HS3ST4: variants seen among roughly 807,000 people sequenced by gnomAD.
HS3ST4 encodes the protein heparan sulfate glucosamine 3-O-sulfotransferase 4.
Under a neutral mutation model 29.2 loss-of-function variants are expected in HS3ST4, and 17 were observed. The ratio of observed to expected loss-of-function variants is 0.58; its 90% confidence interval spans 0.40 to 0.87. HS3ST4 has a LOEUF of 0.87. HS3ST4 is among the 40% of genes least tolerant of loss of function. HS3ST4 has a pLI of 0.00. For missense variants in HS3ST4, 627 were observed against 634.5 expected (o/e 0.99, Z 0.13); for synonymous variants, 314 against 285.7 (o/e 1.10, Z -1.00).
chr16:25,924,706 TC>T (rs1968385910), intron 1 of HS3ST4, among the ~76,000 whole-genome samples: 1 of 152,176 alleles, frequency 6.6e-6, no homozygotes, highest in South Asian at 2.1e-4. Flanking sequence ...TTACAACTTT[TC>T]CCTCTATTAT....
intron 1 of HS3ST4, chr16:25,825,385 C>G (rs1337112716): frequency 2.0e-5 from 3 of 152,168 alleles, no homozygotes; most frequent in African/African-American, 7.2e-5. Context: ...CTGGGGTTCC[C>G]CTAGTTGCAT....
intron 1 of HS3ST4, among the ~76,000 whole-genome samples, chr16:25,950,270 A>G (rs1206050281): frequency 6.6e-6 from 1 of 151,972 alleles, no homozygotes; most frequent in Non-Finnish European, 1.5e-5. Flanking sequence ...CTTCTTTTCC[A>G]TAGCTTACTC....
intron 1 of HS3ST4, among the ~76,000 whole-genome samples, chr16:26,031,176 G>T (rs1370271611): frequency 6.6e-6 from 1 of 152,172 alleles, no homozygotes; most frequent in Non-Finnish European, 1.5e-5. Context: ...ACCTGCCTTG[G>T]GCATGTTGCT....
At chr16:25,815,247 TGAA>T (rs1308826578) in intron 1 of HS3ST4, among the ~76,000 whole-genome samples, 1 of 152,192 alleles carries the variant, frequency 6.6e-6, no homozygotes, top group African/African-American at 2.4e-5. Context: ...TCCCCATCAT[TGAA>T]GTGTGAATTT....
intron 1 of HS3ST4, among the ~76,000 whole-genome samples, chr16:25,997,302 G>A (rs987668304): frequency 5.9e-5 from 9 of 152,170 alleles, no homozygotes; most frequent in African/African-American, 2.2e-4. Flanking sequence ...TTTAAAGAGA[G>A]CTGTCAGGAT....
chr16:25,880,883 T>C (rs918053538), intron 1 of HS3ST4, among the ~76,000 whole-genome samples: 11 of 152,208 alleles, frequency 7.2e-5, no homozygotes, highest in Admixed American at 1.3e-4. Context: ...TTATAGACTT[T>C]GGGGTAGTTC....
intron 1 of HS3ST4, among the ~76,000 whole-genome samples, chr16:26,005,804 C>T (rs938628850): frequency 6.6e-6 from 1 of 151,426 alleles, no homozygotes; most frequent in African/African-American, 2.4e-5. Context: ...GATTTCTCAA[C>T]TCTGGCACTA....
chr16:25,783,099 A>G (rs1373021954), intron 1 of HS3ST4, among the ~76,000 whole-genome samples: 1 of 152,194 alleles, frequency 6.6e-6, no homozygotes, highest in African/African-American at 2.4e-5. Flanking sequence ...GCTCCAATTT[A>G]TCACATCAGA....
At chr16:25,936,543 G>T (rs1968518532) in intron 1 of HS3ST4, among the ~76,000 whole-genome samples, 1 of 152,186 alleles carries the variant, frequency 6.6e-6, no homozygotes, top group Admixed American at 6.5e-5. Context: ...GATCTAAGAA[G>T]TGTTGTTTGA....
At chr16:25,867,276 A>G (rs1967705126) in intron 1 of HS3ST4, among the ~76,000 whole-genome samples, 1 of 152,184 alleles carries the variant, frequency 6.6e-6, no homozygotes, top group Admixed American at 6.5e-5. Flanking sequence ...AGAAAGGATG[A>G]TCTCTGGAGA....
At chr16:25,757,094 C>A (rs1317678154) in intron 1 of HS3ST4, among the ~76,000 whole-genome samples, 1 of 152,106 alleles carries the variant, frequency 6.6e-6, no homozygotes, top group Non-Finnish European at 1.5e-5. Flanking sequence ...TAAGGCTGAG[C>A]AGGTTGTGCA....
intron 1 of HS3ST4, among the ~76,000 whole-genome samples, chr16:25,793,308 AT>A (rs751746722): frequency 1.2e-4 from 19 of 152,050 alleles, no homozygotes; most frequent in Non-Finnish European, 2.2e-4. Flanking sequence ...CGTTAATCTT[AT>A]TGATTAACAT....
intron 1 of HS3ST4, among the ~76,000 whole-genome samples, chr16:25,889,101 T>C (rs1967982199): frequency 1.3e-5 from 2 of 152,200 alleles, no homozygotes; most frequent in African/African-American, 4.8e-5. Flanking sequence ...TTTCCATCCT[T>C]GTCAGATCCC....
At chr16:25,983,960 T>G (rs542240570) in intron 1 of HS3ST4, among the ~76,000 whole-genome samples, 45 of 152,276 alleles carry the variant, frequency 3.0e-4, no homozygotes, top group Admixed American at 3.9e-4. Flanking sequence ...TTAAATTGAC[T>G]AATGATAATT....
At chr16:25,750,582 A>G (rs1342763840) in intron 1 of HS3ST4, among the ~76,000 whole-genome samples, 2 of 152,206 alleles carry the variant, frequency 1.3e-5, no homozygotes, top group African/African-American at 4.8e-5. Context: ...AGCTCAGAGT[A>G]TGAACTACTT....
intron 1 of HS3ST4, among the ~76,000 whole-genome samples, chr16:25,854,195 T>C (rs550175095): frequency 6.6e-6 from 1 of 152,170 alleles, no homozygotes; most frequent in East Asian, 1.9e-4. Flanking sequence ...TGCAGTGGCA[T>C]AATGATAGCT....
At chr16:25,914,185 G>A (rs980786424) in intron 1 of HS3ST4, among the ~76,000 whole-genome samples, 3 of 149,592 alleles carry the variant, frequency 2.0e-5, no homozygotes, top group Non-Finnish European at 4.5e-5. Flanking sequence ...AGGGTATGGT[G>A]TGTGTGTGGA....
At chr16:26,018,780 A>T (rs758418534) in intron 1 of HS3ST4, among the ~76,000 whole-genome samples, 1 of 151,990 alleles carries the variant, frequency 6.6e-6, no homozygotes, top group Non-Finnish European at 1.5e-5. Flanking sequence ...CTCAAACATC[A>T]ACTTTAGTTT....
chr16:26,122,985 C>T (rs562107819), intron 1 of HS3ST4, among the ~76,000 whole-genome samples: 2 of 150,942 alleles, frequency 1.3e-5, no homozygotes, highest in East Asian at 2.0e-4. Context: ...ACCTTGGAGG[C>T]GGAGTTTGCA....
Sources: gnomAD v4.1 joint callset for allele counts (sites outside exome capture counted in the v4.1 genomes callset) on GRCh38, gnomAD v4.1.1 for gene constraint, MANE v1.5 for transcripts, NCBI Gene and HGNC (gene_info 2026-07-23, HGNC 2026-07-21) for gene names.